The following SETD4 variants were observed in gnomAD, a reference collection of about 807,000 sequenced individuals.
SETD4 encodes the protein SET domain-containing protein 4.
A neutral mutation model predicts 58.3 loss-of-function variants in SETD4; 46 were observed. The ratio of observed to expected loss-of-function variants is 0.79; its 90% confidence interval spans 0.62 to 1.01. SETD4 has a LOEUF of 1.01. Ranked by LOEUF, SETD4 falls within the 50% of genes least tolerant of loss-of-function variation. The probability of loss-of-function intolerance (pLI) is 0.00; values close to 1 mark genes in which losing one functional copy is unlikely to be tolerated. For synonymous variants in SETD4, 190 were observed against 202.6 expected (o/e 0.94, Z 0.53); for missense variants, 490 against 523.3 (o/e 0.94, Z 0.62).
intron 5 of SETD4, among the ~76,000 whole-genome samples, 187 bp from the exon 6 acceptor site, chr21:36,046,198 T>C (rs1209101510): frequency 1.3e-5 from 2 of 152,220 alleles, no homozygotes; most frequent in Non-Finnish European, 1.5e-5. Flanking sequence ...ACAGCCCCAG[T>C]GCTAGTGCTC....
At chr21:36,043,752 G>A (rs772859984) in intron 7 of SETD4, 30 bp downstream of exon 7, 1 of 1,611,886 alleles carries the variant, frequency 6.2e-7, no homozygotes, top group South Asian at 1.1e-5. Context: ...ATTATATAGT[G>A]TTAATGTTAA....
chr21:36,049,742 G>A (rs1352477492), intron 4 of SETD4, among the ~76,000 whole-genome samples: 2 of 152,136 alleles, frequency 1.3e-5, no homozygotes, highest in Admixed American at 6.5e-5. Context: ...ACACTTCACT[G>A]TGCATTTCAC....
chr21:36,059,023 A>C (rs1405233335), intron 1 of SETD4, 99 bp from the exon 2 acceptor site: 2 of 1,331,566 alleles, frequency 1.5e-6, no homozygotes, highest in Non-Finnish European at 2.0e-6. Context: ...TATGATAATC[A>C]CTGTTCTTTG....
In SETD4 at chr21:36,058,934, C is replaced by T. The variant is rs372992262; in HGVS notation, c.-36-10G>A. On this transcript the variant is annotated splice_polypyrimidine_tract_variant and intron_variant, in intron 1 of 11. Transcript: ENST00000332131. Reference sequence around the variant, plus strand: ...TTTCTGAAATACAGTTCTATTTTTTCAAAAAGGACAAAACTGTAATTTCTG... The same window carrying T: ...TTTCTGAAATACAGTTCTATTTTTTTAAAAAGGACAAAACTGTAATTTCTG... The T allele has an allele frequency of 2.5e-5, 39 of 1,536,800 alleles. No homozygotes were observed. In the African/African-American group the frequency reaches 5.2e-4, roughly 20 times the overall value.
At chr21:36,043,732 G>A (rs1403740796) in intron 7 of SETD4, 50 bp downstream of exon 7, 1 of 1,599,796 alleles carries the variant, frequency 6.3e-7, no homozygotes, top group Non-Finnish European at 8.5e-7. Flanking sequence ...ATCTCCAAAT[G>A]GGGAAAAAAA....
intron 5 of SETD4, among the ~76,000 whole-genome samples, chr21:36,047,523 A>G (rs1351932707): frequency 1.3e-5 from 2 of 152,204 alleles, no homozygotes; most frequent in Non-Finnish European, 2.9e-5. Context: ...ACATTTGTCA[A>G]GAGCTACTAT....
intron 9 of SETD4, among the ~76,000 whole-genome samples, chr21:36,039,259 A>G (rs1423579828): frequency 1.3e-5 from 2 of 152,354 alleles, no homozygotes; most frequent in Middle Eastern, 3.4e-3. Flanking sequence ...AGAAACACTC[A>G]GCAAAGTTGA....
At chr21:36,057,311 AG>A (rs2065036747) in intron 2 of SETD4, 107 bp from the exon 3 acceptor site, 6 of 859,712 alleles carry the variant, frequency 7.0e-6, no homozygotes, top group Non-Finnish European at 1.2e-5. Flanking sequence ...CTTACACAAT[AG>A]TAAGAATTGG....
At chr21:36,050,459 T>C in intron 4 of SETD4, 2 of 1,614,128 alleles carry the variant, frequency 1.2e-6, no homozygotes. Flanking sequence ...TACCAACCCC[T>C]TGGGTGCAAA....
In SETD4 at chr21:36,048,391, T is replaced by A. The variant is rs950551265; in HGVS notation, c.213A>T (p.Gly71=). 1.8e-5 allele frequency: 29 copies of A among 1,613,866 alleles called. No homozygotes were observed. The highest frequency in any genetic ancestry group is 2.5e-5 in the Non-Finnish European group (29 of 1,179,980). ...GLMSQTSLQE[G]QMIISLPESC... is the part of the protein sequence containing the mutation. The stretch of plus-strand genomic sequence containing the variant: ...TCTCAGGCAACGAAATAATCATCTG[T>A]CCCTCCTGGCCAAAAGGAAAGTAAA... Residue 71 remains glycine, a synonymous_variant, in exon 5 of 12, where the codon GGA becomes GGT. Transcript: ENST00000332131.
Position 36,054,046 on chromosome 21 carries a change from C to A in SETD4, c.170-426G>T, listed in dbSNP as rs2123742398. Among the ~76,000 whole-genome samples the A allele has an allele frequency of 1.3e-5, 2 of 152,264 alleles. 1 individual carries two copies. Among genetic ancestry groups the A allele is most frequent in the South Asian group, 4.2e-4 (2 of 4,816 alleles). On this transcript the variant is annotated intron_variant, in intron 3 of 11. Coordinates refer to ENST00000332131, the MANE Select transcript of SETD4 (RefSeq NM_017438.5). ...CTCTCCCAAGTGAAGACCTTGAGAC[C>A]CCTTTGATTGGCCGACTGGCCAATA... is the stretch of plus-strand genomic sequence containing the variant.
chr21:36,060,182 G>A (rs367840077), intron 1 of SETD4, 165 bp downstream of exon 1: 22 of 957,086 alleles, frequency 2.3e-5, no homozygotes, highest in South Asian at 4.8e-5. Flanking sequence ...CACAAGATGA[G>A]AGGTTACTGC....
chr21:36,053,515 C>T (rs199599838), intron 4 of SETD4, 68 bp downstream of exon 4: 286 of 1,526,558 alleles, frequency 1.9e-4, no homozygotes, highest in Non-Finnish European at 2.5e-4. Flanking sequence ...TAATTCACTT[C>T]GTTTGAACCG....
chr21:36,044,691 G>A (rs933711244), intron 6 of SETD4, among the ~76,000 whole-genome samples: 2 of 152,224 alleles, frequency 1.3e-5, no homozygotes, highest in Non-Finnish European at 2.9e-5. Context: ...TAAGAAAGCA[G>A]AGCGGGAACC....
intron 2 of SETD4, among the ~76,000 whole-genome samples, chr21:36,058,274 G>C (rs2065086255): frequency 6.6e-6 from 1 of 152,146 alleles, no homozygotes; most frequent in Non-Finnish European, 1.5e-5. Context: ...GCCAAGGCAG[G>C]AGGACCACTC....
At chr21:36,052,822 A>T (rs1179577846) in intron 4 of SETD4, 1 of 152,184 alleles carries the variant, frequency 6.6e-6, no homozygotes. Context: ...AGGAGCCAAG[A>T]GTATGAGGGG....
chr21:36,040,685 CCAT>C, intron 8 of SETD4, 30 bp from the exon 9 acceptor site: 1 of 1,576,470 alleles, frequency 6.3e-7, no homozygotes, highest in Non-Finnish European at 8.7e-7. Context: ...AATGACAAAT[CCAT>C]CATTTCAGTA....
intron 4 of SETD4, 40 bp downstream of exon 4, chr21:36,053,543 A>C: frequency 3.1e-6 from 5 of 1,610,744 alleles, no homozygotes; most frequent in Non-Finnish European, 4.2e-6. Context: ...AAAGCAGCAA[A>C]ATCTACATTG....
chr21:36,034,828 C>G lies in SETD4; in HGVS notation c.*1165G>C, dbSNP rs1057329184. 6.6e-6 allele frequency: 1 copy of G among 151,956 alleles called. No individual in the cohort carries two copies. The highest frequency in any genetic ancestry group is 1.5e-5 in the Non-Finnish European group (1 of 68,014). The allele number at this position is 151,956 out of a possible 1,614,324, so 9.4% of individuals were successfully genotyped here. On this transcript the variant is annotated 3_prime_UTR_variant, in exon 12 of 12. Coordinates refer to ENST00000332131, the MANE Select transcript of SETD4 (RefSeq NM_017438.5). ...TATCGGGCCCTCCACAGAAGTCTGCCCACTCTCCATACAGCATATGATGAA... is the reference window on the plus strand; with the variant it reads ...TATCGGGCCCTCCACAGAAGTCTGCGCACTCTCCATACAGCATATGATGAA...
Sources: allele counts gnomAD v4.1 joint callset (sites outside exome capture counted in the v4.1 genomes callset), GRCh38; gene constraint gnomAD v4.1.1; transcripts MANE v1.5; gene names NCBI Gene and HGNC (gene_info 2026-07-23, HGNC 2026-07-21).